The following NOL7 variants were observed in gnomAD, a reference collection of about 807,000 sequenced individuals.
NOL7 encodes the protein nucleolar protein 7, also known as U3 small nucleolar RNA-associated protein NOL7.
Under a neutral mutation model 38.4 loss-of-function variants are expected in NOL7, and 36 were observed. The ratio of observed to expected loss-of-function variants is 0.94; its 90% CI spans 0.72 to 1.24. The LOEUF (loss-of-function observed/expected upper bound fraction) is 1.24. Ranked by LOEUF, NOL7 falls within the 50% of genes most tolerant of loss-of-function variation. The pLI, the probability that NOL7 is intolerant of heterozygous loss-of-function variation, is 0.00. For missense variants in NOL7, 350 were observed against 315.1 expected (o/e 1.11, Z -0.84); for synonymous variants, 142 against 126.5 (o/e 1.12, Z -0.82).
chr6:13,623,767 CATTA>C (rs1450497853), downstream of NOL7, among the ~76,000 whole-genome samples: 2 of 152,060 alleles, frequency 1.3e-5, no homozygotes, highest in Non-Finnish European at 2.9e-5. Flanking sequence ...ATAATTGTGT[CATTA>C]ATTTTACAGG....
rs1432291784 is a variant in NOL7, at chr6:13,620,262, A to C, written c.555A>C (p.Ser185=). The C allele has an allele frequency of 1.2e-6, 2 of 1,614,214 alleles. No homozygotes were observed. The highest frequency in any genetic ancestry group is 2.2e-5 in the South Asian group (2 of 91,090). Residue 185 remains serine, a synonymous_variant, in exon 6 of 8, where the codon TCA becomes TCC. Coordinates refer to ENST00000451315, the MANE Select transcript of NOL7 (RefSeq NM_016167.5). ...VRLKDQDLRD[S]RQQAAQAFIH... ...TAAAAGACCAAGATCTGAGAGATTC[A>C]AGGCAACAAGCAGCACAAGCCTTCA...
In NOL7 at chr6:13,615,776, A is replaced by G. The variant is rs754737513; in HGVS notation, c.327+4A>G. ...GGAGCTGTTCATCGAACAGAAGGTT[A>G]GAGGCTAGGGAGGAGGTGTCTTATT... On this transcript the variant is annotated splice_donor_region_variant and intron_variant, in intron 2 of 7. Coordinates refer to ENST00000451315, the MANE Select transcript of NOL7 (RefSeq NM_016167.5). 3 of 1,611,858 alleles carry G rather than the reference A, an allele frequency of 1.9e-6. No homozygotes were observed. The highest frequency in any genetic ancestry group is 2.5e-6 in the Non-Finnish European group (3 of 1,179,140).
downstream of NOL7, chr6:13,625,602 T>TA: frequency 2.9e-6 from 4 of 1,364,568 alleles, no homozygotes; most frequent in Non-Finnish European, 4.2e-6. Flanking sequence ...CACCCTCTCT[T>TA]AAATTTTCAG....
In NOL7 at chr6:13,615,376, G is replaced by C; in HGVS notation, c.18G>C (p.Pro6=). The change falls in exon 1 of 8, where the codon CCG becomes CCC. Residue 6 remains proline (P), a synonymous_variant. Transcript: ENST00000451315. MVQLR[P]RASRAPASAE... is the part of the protein sequence containing the mutation. ...CGTGGGCCATGGTGCAGCTCCGACC[G>C]CGAGCGTCTCGCGCCCCGGCGTCGG... 1 of 1,514,902 alleles carries C rather than the reference G, an allele frequency of 6.6e-7. No homozygotes were observed. Among genetic ancestry groups the C allele is most frequent in the Non-Finnish European group, 8.8e-7 (1 of 1,133,792 alleles). 93.8% of individuals were successfully genotyped at this position (1,514,902 alleles called of 1,614,324 possible).
Position 13,627,482 on chromosome 6 carries a change from TAGTC to T in NOL7, n.574-4908_574-4905del, listed in dbSNP as rs375197636. Among the ~76,000 whole-genome samples, 1,287 of 151,630 alleles carry T rather than the reference TAGTC, an allele frequency of 8.5e-3. 14 individuals are homozygous for T. The highest frequency in any genetic ancestry group is 0.028 in the African/African-American group (1,163 of 41,312). ...CCATCTCCACTAAAAATACAAAAAT[TAGTC>T]AGGCATGGTGGTGCATGCCTCTAAT... On this transcript the variant is annotated intron_variant and non_coding_transcript_variant, in intron 8 of 8. Transcript: ENST00000474485.
chr6:13,630,172 G>C (rs953276374), intron 8 of NOL7, among the ~76,000 whole-genome samples: 6 of 152,064 alleles, frequency 3.9e-5, no homozygotes, highest in Non-Finnish European at 7.4e-5. Flanking sequence ...TCTAGATCAA[G>C]ATAAGTTTGG....
In NOL7 at chr6:13,621,469, C is replaced by T. The variant is rs1436868332; in HGVS notation, c.*642C>T. ...AGTAATCATAAAAAGTATGCAAGTA[C>T]CTAATATATAAACTCAATTGACACT... On this transcript the variant is annotated 3_prime_UTR_variant, in exon 8 of 8. Transcript: ENST00000451315. 1 of 152,314 alleles carries T rather than the reference C, an allele frequency of 6.6e-6. No individual in the cohort carries two copies. The highest frequency in any genetic ancestry group is 1.5e-5 in the Non-Finnish European group (1 of 68,024). 9.4% of individuals were successfully genotyped at this position (152,314 alleles called of 1,614,324 possible).
At chr6:13,616,974 A>G (rs1278843473) in intron 3 of NOL7, among the ~76,000 whole-genome samples, 1 of 152,176 alleles carries the variant, frequency 6.6e-6, no homozygotes, top group East Asian at 1.9e-4. Context: ...GCGAAAAGCT[A>G]TAGTCGTCTT....
Position 13,621,394 on chromosome 6 carries a change from A to AACTC in NOL7, c.*569_*572dup, listed in dbSNP as rs1764439848. On this transcript the variant is annotated 3_prime_UTR_variant, in exon 8 of 8. Coordinates refer to ENST00000451315, the MANE Select transcript of NOL7 (RefSeq NM_016167.5). Reference sequence around the variant, plus strand: ...AACTGAAGGCAATTTTAGGTTGTAGAACTCAGATTAATTGTAGAAACCATT... The same window carrying AACTC: ...AACTGAAGGCAATTTTAGGTTGTAGAACTCACTCAGATTAATTGTAGAAACCATT... 2.0e-5 allele frequency: 3 copies of AACTC among 152,744 alleles called. No individual in the cohort carries two copies. Among genetic ancestry groups the AACTC allele is most frequent in the South Asian group, 4.1e-4 (2 of 4,826 alleles). 9.5% of individuals were successfully genotyped at this position (152,744 alleles called of 1,614,324 possible). A position where few individuals can be genotyped will look rare whatever the true frequency, so the allele number is the denominator to read the frequency against.
downstream of NOL7, among the ~76,000 whole-genome samples, chr6:13,625,217 CA>C (rs1764569029): frequency 1.3e-5 from 2 of 152,196 alleles, no homozygotes; most frequent in Non-Finnish European, 2.9e-5. Context: ...CCTTCTACAG[CA>C]GCCAAACGAG....
At chr6:13,619,434 C>G (rs967839805) in intron 5 of NOL7, among the ~76,000 whole-genome samples, 1 of 152,224 alleles carries the variant, frequency 6.6e-6, no homozygotes, top group African/African-American at 2.4e-5. Context: ...TGGTCCAAAT[C>G]ATTACTTGCA....
chr6:13,623,942 T>C (rs909979287), downstream of NOL7, among the ~76,000 whole-genome samples: 2 of 152,204 alleles, frequency 1.3e-5, no homozygotes, highest in Non-Finnish European at 2.9e-5. Flanking sequence ...AACTGGTCAC[T>C]TTAAAGATTA....
downstream of NOL7, chr6:13,625,513 AT>A (rs1200473204): frequency 4.1e-6 from 2 of 487,848 alleles, no homozygotes; most frequent in Non-Finnish European, 7.3e-6. Flanking sequence ...GGGTTTCTAT[AT>A]TTTAGGTATT....
chr6:13,623,867 T>C (rs1562293599), downstream of NOL7, among the ~76,000 whole-genome samples: 1 of 152,202 alleles, frequency 6.6e-6, no homozygotes, highest in Non-Finnish European at 1.5e-5. Flanking sequence ...AGTATATGTG[T>C]CTATAGATAA....
chr6:13,619,484 T>G (rs1317980296), intron 5 of NOL7, among the ~76,000 whole-genome samples: 1 of 152,172 alleles, frequency 6.6e-6, no homozygotes, highest in Non-Finnish European at 1.5e-5. Context: ...TAGAAACAAA[T>G]GTAAAGCAAA....
downstream of NOL7, chr6:13,625,699 C>T (rs148820800): frequency 7.4e-6 from 12 of 1,613,230 alleles, no homozygotes; most frequent in East Asian, 4.5e-5. Flanking sequence ...CTCTCTGAAT[C>T]GGGTCAAGCT....
rs1764412549 is a variant in NOL7 at position 13,620,478 on chromosome 6, T to C, written c.693T>C (p.Asn231=). 1 of 1,613,684 alleles carries C rather than the reference T, an allele frequency of 6.2e-7. No homozygotes were observed. Among genetic ancestry groups the C allele is most frequent in the Non-Finnish European group, 8.5e-7 (1 of 1,179,706 alleles). The stretch of plus-strand genomic sequence containing the variant: ...GAGCTGCTGTCCAGTTTTTGAATAA[T>C]GCTTGGGGTAAGATCCAGCTTTATT... ...VKRAAVQFLN[N]AWGIQKKQNA... The change falls in exon 7 of 8, where the codon AAT becomes AAC. Residue 231 remains asparagine (N), a synonymous_variant. Transcript: ENST00000451315.
chr6:13,616,669 C>T (rs1225291436), intron 3 of NOL7, 148 bp downstream of exon 3: 5 of 574,704 alleles, frequency 8.7e-6, no homozygotes, highest in South Asian at 2.5e-5. Flanking sequence ...ATGGGAAAGA[C>T]GGAGGTAACG....
downstream of NOL7, among the ~76,000 whole-genome samples, chr6:13,625,139 G>T (rs958727014): frequency 6.6e-6 from 1 of 152,090 alleles, no homozygotes; most frequent in Non-Finnish European, 1.5e-5. Flanking sequence ...TTCTTCAAAT[G>T]TACCCTGTTC....
Sources: allele counts gnomAD v4.1 joint callset (sites outside exome capture counted in the v4.1 genomes callset), GRCh38; gene constraint gnomAD v4.1.1; transcripts MANE v1.5; gene names NCBI Gene and HGNC (gene_info 2026-07-23, HGNC 2026-07-21).